The following DYNC2H1 variants were observed in gnomAD, a reference collection of about 807,000 sequenced individuals.
DYNC2H1 encodes dynein cytoplasmic 2 heavy chain 1.
DYNC2H1 carries 410 observed loss-of-function variants against 570.0 expected under a neutral mutation model. The ratio of observed to expected loss-of-function variants is 0.72; its 90% confidence interval spans 0.66 to 0.78. DYNC2H1 has a LOEUF of 0.78. Among genes scored for constraint, DYNC2H1 ranks in the 30% least tolerant of loss-of-function variants. The pLI, the probability that DYNC2H1 is intolerant of heterozygous loss-of-function variation, is 0.00. For missense variants in DYNC2H1, 4,865 were observed against 5,046.4 expected (o/e 0.96, Z 1.09); for synonymous variants, 1,688 against 1,677.6 (o/e 1.01, Z -0.15).
Position 103,256,578 on chromosome 11 carries a change from T to C in DYNC2H1, c.10461+338T>C, listed in dbSNP as rs1865064987. On this transcript the variant is annotated intron_variant, in intron 68 of 88. Transcript: ENST00000375735. The surrounding 1 kb of genome is among the most constrained non-coding windows in gnomAD (Gnocchi z 4.0). ...GAATATCTTTGCCGTTCTTAGAACT[T>C]TTCTTAAGTTAAGGCAAGTTAAATA... 6.6e-6 allele frequency among the ~76,000 whole-genome samples: 1 copy of C among 152,178 alleles called. No homozygotes were observed. The highest frequency in any genetic ancestry group is 2.4e-5 in the African/African-American group (1 of 41,446).
chr11:103,141,302 T>G (rs889719931), intron 17 of DYNC2H1, among the ~76,000 whole-genome samples: 1 of 152,166 alleles, frequency 6.6e-6, no homozygotes, highest in African/African-American at 2.4e-5. Context: ...GAGTTTCCAG[T>G]TTTTCTGCTC....
At chr11:103,460,066 G>C (rs947464609) in intron 87 of DYNC2H1, among the ~76,000 whole-genome samples, 6 of 152,002 alleles carry the variant, frequency 3.9e-5, no homozygotes, top group African/African-American at 1.5e-4. Context: ...GTGGCCCAGG[G>C]TGAATTTGAA....
rs1419886002 is a variant in DYNC2H1, at chr11:103,199,124, T to C, written c.7840-104T>C. ...TGATATGTAGTCACTTTACTTTTTT[T>C]CTTGAATGTATCAAAAATATAATAT... is the stretch of plus-strand genomic sequence containing the variant. On this transcript the variant is annotated intron_variant, in intron 48 of 88. Coordinates refer to ENST00000375735, the MANE Select transcript of DYNC2H1 (RefSeq NM_001377.3). This position sits in a 1 kb window ranked among gnomAD's most constrained non-coding sequence, Gnocchi z 4.6. 1 of 781,296 alleles carries C rather than the reference T, an allele frequency of 1.3e-6. No individual in the cohort carries two copies. The highest frequency in any genetic ancestry group is 2.9e-5 in the East Asian group (1 of 34,350). 48.4% of individuals were successfully genotyped at this position (781,296 alleles called of 1,614,324 possible). A position where few individuals can be genotyped will look rare whatever the true frequency, so the allele number is the denominator to read the frequency against.
chr11:103,396,539 G>A (rs1479239384), intron 83 of DYNC2H1, among the ~76,000 whole-genome samples: 1 of 152,140 alleles, frequency 6.6e-6, no homozygotes, highest in Non-Finnish European at 1.5e-5. Context: ...CTTTCTGAGG[G>A]AGAATCATTT....
chr11:103,223,869 T>C (rs942471205), intron 59 of DYNC2H1, among the ~76,000 whole-genome samples: 1 of 151,582 alleles, frequency 6.6e-6, no homozygotes, highest in Non-Finnish European at 1.5e-5. Flanking sequence ...TGCTTCAGCC[T>C]CCCAAGTAGC....
At position 103,369,233 on chromosome 11, in the gene DYNC2H1, G is replaced by T. The variant is rs1283075657; in HGVS notation, c.12156+10874G>T. 6.6e-6 allele frequency among the ~76,000 whole-genome samples: 1 copy of T among 152,116 alleles called. No homozygotes were observed. The highest frequency in any genetic ancestry group is 2.4e-5 in the African/African-American group (1 of 41,424). On this transcript the variant is annotated intron_variant, in intron 83 of 88. Coordinates refer to ENST00000375735, the MANE Select transcript of DYNC2H1 (RefSeq NM_001377.3). The surrounding 1 kb of genome is among the most constrained non-coding windows in gnomAD (Gnocchi z 4.0). Reference sequence around the variant, plus strand: ...CCCTATTATAACAGAAAACAAAATGGCTGACACCCACCCTCAGAAGGATAA... The same window carrying T: ...CCCTATTATAACAGAAAACAAAATGTCTGACACCCACCCTCAGAAGGATAA...
intron 79 of DYNC2H1, 107 bp downstream of exon 79, chr11:103,312,140 G>A: frequency 8.3e-7 from 1 of 1,211,230 alleles, no homozygotes; most frequent in Non-Finnish European, 1.1e-6. Flanking sequence ...CAGTACTGTG[G>A]GAGGCCAAGG....
At chr11:103,144,780 A>G (rs1056215423) in intron 18 of DYNC2H1, among the ~76,000 whole-genome samples, 22 of 152,090 alleles carry the variant, frequency 1.4e-4, no homozygotes, top group Admixed American at 2.0e-4. Context: ...TCGTTAGGAA[A>G]TTTAATCTGG....
intron 59 of DYNC2H1, among the ~76,000 whole-genome samples, chr11:103,230,863 C>A (rs1012714506): frequency 2.6e-5 from 4 of 152,248 alleles, no homozygotes; most frequent in African/African-American, 9.6e-5. Context: ...GAGTGAGACT[C>A]TGTCTCTTAA....
At chr11:103,456,989 G>A (rs1329885766) in intron 87 of DYNC2H1, among the ~76,000 whole-genome samples, 1 of 152,200 alleles carries the variant, frequency 6.6e-6, no homozygotes, top group Admixed American at 6.5e-5. Flanking sequence ...TGTGCAAATA[G>A]TCATGCACTG....
intron 69 of DYNC2H1, among the ~76,000 whole-genome samples, chr11:103,259,131 T>G (rs1865171148): frequency 6.6e-6 from 1 of 152,212 alleles, no homozygotes. Context: ...TTCTTGGTAT[T>G]AATTTATAAA....
At chr11:103,278,766 C>T (rs988960133) in intron 70 of DYNC2H1, among the ~76,000 whole-genome samples, 7 of 152,258 alleles carry the variant, frequency 4.6e-5, no homozygotes, top group Non-Finnish European at 8.8e-5. Flanking sequence ...AGATTTTCAC[C>T]ATGTTGGCCA....
chr11:103,466,023 CTAT>C (rs1351961090), intron 87 of DYNC2H1, among the ~76,000 whole-genome samples: 2 of 152,054 alleles, frequency 1.3e-5, no homozygotes, highest in African/African-American at 2.4e-5. Context: ...CTGTGTCACA[CTAT>C]TATTATTGTT....
intron 75 of DYNC2H1, among the ~76,000 whole-genome samples, chr11:103,293,203 G>A (rs554501252): frequency 2.0e-5 from 3 of 146,722 alleles, no homozygotes; most frequent in African/African-American, 5.1e-5. Context: ...TTCTAAGTTG[G>A]AAGCTTTTTT....
At chr11:103,215,993 T>C (rs906662842) in intron 55 of DYNC2H1, 135 bp downstream of exon 55, 40 of 1,146,096 alleles carry the variant, frequency 3.5e-5, no homozygotes, top group Non-Finnish European at 2.9e-5. Flanking sequence ...ACTGATATTA[T>C]GTCCTTAAGC....
chr11:103,444,643 G>A (rs1349068215), intron 85 of DYNC2H1, among the ~76,000 whole-genome samples: 1 of 152,174 alleles, frequency 6.6e-6, no homozygotes, highest in Non-Finnish European at 1.5e-5. Flanking sequence ...GAGACAAGTG[G>A]GTTGGGGAAG....
In DYNC2H1 at chr11:103,199,492, T is replaced by C; in HGVS notation, c.8088+16T>C. On this transcript the variant is annotated intron_variant, in intron 49 of 88. Transcript: ENST00000375735. The surrounding 1 kb of genome is among the most constrained non-coding windows in gnomAD (Gnocchi z 4.6). Reference sequence around the variant, plus strand: ...TCTCAAACATGTGAGTTGCCCACTCTCTTTTGCTTTATTTGGTTTTAAATT... The same window carrying C: ...TCTCAAACATGTGAGTTGCCCACTCCCTTTTGCTTTATTTGGTTTTAAATT... The C allele has an allele frequency of 6.5e-7, 1 of 1,530,334 alleles. No individual in the cohort carries two copies. The highest frequency in any genetic ancestry group is 8.8e-7 in the Non-Finnish European group (1 of 1,138,744). The allele number at this position is 1,530,334 out of a possible 1,614,324, so 94.8% of individuals were successfully genotyped here. A position where few individuals can be genotyped will look rare whatever the true frequency, so the allele number is the denominator to read the frequency against.
At chr11:103,271,362 T>A (rs1865704160) in intron 70 of DYNC2H1, among the ~76,000 whole-genome samples, 1 of 152,214 alleles carries the variant, frequency 6.6e-6, no homozygotes, top group African/African-American at 2.4e-5. Flanking sequence ...AAATTATTCA[T>A]GAAAATGAGT....
intron 82 of DYNC2H1, among the ~76,000 whole-genome samples, chr11:103,346,168 C>T (rs1206485817): frequency 2.0e-5 from 3 of 152,088 alleles, no homozygotes; most frequent in East Asian, 1.9e-4. Flanking sequence ...ATAATTGCAT[C>T]GAATGGCTTT....
Sources: gnomAD v4.1 joint callset for allele counts (sites outside exome capture counted in the v4.1 genomes callset) on GRCh38, gnomAD v4.1.1 for gene constraint, Gnocchi (gnomAD v3.1) non-coding constraint, MANE v1.5 for transcripts, NCBI Gene and HGNC (gene_info 2026-07-23, HGNC 2026-07-21) for gene names.